ATP1A1: variants seen among roughly 807,000 people sequenced by gnomAD.
ATP1A1 encodes the protein sodium/potassium-transporting ATPase subunit alpha-1.
Under a neutral mutation model 114.8 loss-of-function variants are expected in ATP1A1, and 14 were observed. That is an observed-to-expected ratio of 0.12 (90% CI 0.08 to 0.19). The LOEUF (loss-of-function observed/expected upper bound fraction) is 0.19. Among genes scored for constraint, ATP1A1 ranks in the 10% least tolerant of loss-of-function variants. The pLI, the probability that ATP1A1 is intolerant of heterozygous loss-of-function variation, is 1.00. For synonymous variants in ATP1A1, 471 were observed against 466.3 expected (o/e 1.01, Z -0.13); for missense variants, 524 against 1,290.7 (o/e 0.41, Z 9.10).
Position 116,387,260 on chromosome 1 carries a change from G to A in ATP1A1, c.184-28G>A. On this transcript the variant is annotated intron_variant, in intron 3 of 22. Coordinates refer to ENST00000295598, the MANE Select transcript of ATP1A1 (RefSeq NM_000701.8). This position sits in a 1 kb window ranked among gnomAD's most constrained non-coding sequence, Gnocchi z 6.7. ...TGCCTTGTAAGTGCTGGTACAGTTT[G>A]CCTTATTTATATTCCACTGCTTCTC... 1 of 1,613,038 alleles carries A rather than the reference G, an allele frequency of 6.2e-7. No individual in the cohort carries two copies. The highest frequency in any genetic ancestry group is 8.5e-7 in the Non-Finnish European group (1 of 1,179,772).
rs1557785317 is a variant in ATP1A1 at position 116,389,345 on chromosome 1, GT to G, written c.755-87del. Reference sequence around the variant, plus strand: ...AAAAGTGCTTTTATCAACTCTTTTTGTTTTTTTAGTCATCCTATGTAATTGT... The same window carrying G: ...AAAAGTGCTTTTATCAACTCTTTTTGTTTTTTAGTCATCCTATGTAATTGT... On this transcript the variant is annotated intron_variant, in intron 7 of 22. Transcript: ENST00000295598. This position sits in a 1 kb window ranked among gnomAD's most constrained non-coding sequence, Gnocchi z 6.9. 4 of 1,504,990 alleles carry G rather than the reference GT, an allele frequency of 2.7e-6. No homozygotes were observed. Among genetic ancestry groups the G allele is most frequent in the Admixed American group, 4.0e-5 (2 of 49,672 alleles). 93.2% of individuals were successfully genotyped at this position (1,504,990 alleles called of 1,614,324 possible). A position where few individuals can be genotyped will look rare whatever the true frequency, so the allele number is the denominator to read the frequency against.
chr1:116,377,197 T>C (rs1347771526), intron 1 of ATP1A1, among the ~76,000 whole-genome samples: 1 of 152,250 alleles, frequency 6.6e-6, no homozygotes, highest in Admixed American at 6.5e-5. Context: ...CAGTTTCTCA[T>C]CTGGCTTTTG....
chr1:116,380,327 T>G (rs1651661263), intron 1 of ATP1A1, among the ~76,000 whole-genome samples: 1 of 152,214 alleles, frequency 6.6e-6, no homozygotes, highest in Admixed American at 6.5e-5. Context: ...TCAGCAGGAA[T>G]TTCAGAAGTC....
In ATP1A1 at chr1:116,399,178, G is replaced by A. The variant is rs1043155276; in HGVS notation, c.2448+94G>A. The A allele has an allele frequency of 1.4e-5, 22 of 1,557,652 alleles. No individual in the cohort carries two copies. Among genetic ancestry groups the A allele is most frequent in the Middle Eastern group, 1.7e-4 (1 of 5,868 alleles). On this transcript the variant is annotated intron_variant, in intron 17 of 22. Coordinates refer to ENST00000295598, the MANE Select transcript of ATP1A1 (RefSeq NM_000701.8). The surrounding 1 kb of genome is among the most constrained non-coding windows in gnomAD (Gnocchi z 5.0). Reference sequence around the variant, plus strand: ...TGCTCCCAGCATCCATGAGGCTGGCGTTGGGAAAAGAAATTCTCAGGACCA... The same window carrying A: ...TGCTCCCAGCATCCATGAGGCTGGCATTGGGAAAAGAAATTCTCAGGACCA...
In ATP1A1 at chr1:116,388,613, G is replaced by T. The variant is rs768486275; in HGVS notation, c.502-25G>T. 7.4e-6 allele frequency: 12 copies of T among 1,611,616 alleles called. No homozygotes were observed. The highest frequency in any genetic ancestry group is 1.1e-5 in the South Asian group (1 of 90,730). On this transcript the variant is annotated intron_variant, in intron 5 of 22. Coordinates refer to ENST00000295598, the MANE Select transcript of ATP1A1 (RefSeq NM_000701.8). The surrounding 1 kb of genome is among the most constrained non-coding windows in gnomAD (Gnocchi z 5.6). ...ACCTTCTCTTTGTTGGTATACTAACGGTGTAAATTGTTTCTTTTCCAAAGC... is the reference window on the plus strand; with the variant it reads ...ACCTTCTCTTTGTTGGTATACTAACTGTGTAAATTGTTTCTTTTCCAAAGC...
intron 1 of ATP1A1, among the ~76,000 whole-genome samples, chr1:116,378,394 A>T (rs1160064340): frequency 4.6e-5 from 7 of 152,306 alleles, no homozygotes; most frequent in Admixed American, 4.6e-4. Flanking sequence ...TTTAGTAATG[A>T]CTATTGGCTG....
In ATP1A1 at chr1:116,388,413, G is replaced by T. The variant is rs983732937; in HGVS notation, c.501+169G>T. ...CTATTTTCCTTCTATCCAAAAAGTGGTAGCCTTTCTTTTGAATGTAAACTC... is the reference window on the plus strand; with the variant it reads ...CTATTTTCCTTCTATCCAAAAAGTGTTAGCCTTTCTTTTGAATGTAAACTC... On this transcript the variant is annotated intron_variant, in intron 5 of 22. Transcript: ENST00000295598. The surrounding 1 kb of genome is among the most constrained non-coding windows in gnomAD (Gnocchi z 5.6). 3 of 957,480 alleles carry T rather than the reference G, an allele frequency of 3.1e-6. No individual in the cohort carries two copies. The African/African-American group carries it at 5.0e-5, about 16-fold the overall frequency. 59.3% of individuals were successfully genotyped at this position (957,480 alleles called of 1,614,324 possible). A position where few individuals can be genotyped will look rare whatever the true frequency, so the allele number is the denominator to read the frequency against.
rs1373773430 is a variant in ATP1A1, at chr1:116,398,393, G to T, written c.2125-228G>T. ...CCACCCACCAGAGTCATTACTTTGA[G>T]TAGCTCTTGTTAATGCTGGGGGCTA... On this transcript the variant is annotated intron_variant, in intron 15 of 22. Transcript: ENST00000295598. The surrounding 1 kb of genome is among the most constrained non-coding windows in gnomAD (Gnocchi z 6.1). Among the ~76,000 whole-genome samples the T allele has an allele frequency of 6.6e-6, 1 of 152,182 alleles. No individual in the cohort carries two copies. Among genetic ancestry groups the T allele is most frequent in the African/African-American group, 2.4e-5 (1 of 41,446 alleles).
rs1214173204 is a variant in ATP1A1 at position 116,395,210 on chromosome 1, G to T, written c.1761G>T (p.Gly587=). 13 of 1,614,092 alleles carry T rather than the reference G, an allele frequency of 8.1e-6. No homozygotes were observed. The highest frequency in any genetic ancestry group is 1.1e-5 in the Non-Finnish European group (13 of 1,180,014). Residue 587 remains glycine (G), a synonymous_variant, in exon 13 of 23, where the codon GGG becomes GGT. Transcript: ENST00000295598. This position sits in a 1 kb window ranked among gnomAD's most constrained non-coding sequence, Gnocchi z 6.4. ...NFPIDNLCFV[G]LISMIDPPRA... ...CTATCGATAATCTGTGCTTTGTTGG[G>T]CTCATCTCCATGATTGACCCTCCAC...
intron 1 of ATP1A1, chr1:116,373,881 C>T (rs963266096): frequency 6.2e-6 from 8 of 1,293,860 alleles, no homozygotes; most frequent in Non-Finnish European, 3.9e-6. Context: ...GCGGGGGCGG[C>T]CCCGGGACTG....
rs185397721 is a variant in ATP1A1, at chr1:116,391,043, T to C, written c.1332+152T>C. On this transcript the variant is annotated intron_variant, in intron 10 of 22. Transcript: ENST00000295598. ...TGTGCAGTACTTTGCTGTGTGTAACTTACATTGTGTTGCCTGTAGATCCTG... is the reference window on the plus strand; with the variant it reads ...TGTGCAGTACTTTGCTGTGTGTAACCTACATTGTGTTGCCTGTAGATCCTG... The C allele has an allele frequency of 2.0e-5, 12 of 609,718 alleles. No individual in the cohort carries two copies. In the East Asian group the frequency reaches 3.5e-4, roughly 18 times the overall value. 37.8% of individuals were successfully genotyped at this position (609,718 alleles called of 1,614,324 possible).
intron 1 of ATP1A1, chr1:116,373,806 G>T (rs1240269797): frequency 8.1e-6 from 10 of 1,233,254 alleles, no homozygotes; most frequent in Non-Finnish European, 1.0e-5. Context: ...GAGGCCGAGC[G>T]GGCCGGGGGC....
At chr1:116,383,942 C>A in intron 1 of ATP1A1, 72 bp from the exon 2 acceptor site, 1 of 1,299,918 alleles carries the variant, frequency 7.7e-7, no homozygotes, top group Admixed American at 1.9e-5. Context: ...ACCAAAATCC[C>A]CTGCTCCAGA....
chr1:116,400,763 A>G (rs1396662701), intron 18 of ATP1A1, 98 bp from the exon 19 acceptor site: 19 of 1,411,840 alleles, frequency 1.3e-5, no homozygotes, highest in Middle Eastern at 1.9e-4. Flanking sequence ...ACACTCCTCC[A>G]TATGTGCTCT....
rs141400264 is a variant in ATP1A1, at chr1:116,393,559, C to G, written c.1496C>G (p.Ser499Trp). 9.3e-6 allele frequency: 15 copies of G among 1,613,910 alleles called. No homozygotes were observed. Among genetic ancestry groups the G allele is most frequent in the Middle Eastern group, 1.6e-4 (1 of 6,062 alleles). The change falls in exon 12 of 23, where the codon TCG becomes TGG. Residue 499 changes from serine (S) to tryptophan (W), a missense_variant. Ser to Trp is a radical substitution (Grantham distance 177). Around this residue, in one of 8 missense-constraint regions of ATP1A1, gnomAD observed 143 missense variants for 259.3 expected, o/e 0.55. Transcript: ENST00000295598. The surrounding 1 kb of genome is among the most constrained non-coding windows in gnomAD (Gnocchi z 5.0). The part of the protein sequence containing the change: ...QLSIHKNPNT[S>W]EPQHLLVMKG... ...TCTATTCATAAGAACCCCAACACAT[C>G]GGAGCCCCAACACCTGTTGGTGATG... is the stretch of plus-strand genomic sequence containing the variant.
At chr1:116,374,473 G>C (rs1234716827) in intron 1 of ATP1A1, among the ~76,000 whole-genome samples, 1 of 152,154 alleles carries the variant, frequency 6.6e-6, no homozygotes, top group African/African-American at 2.4e-5. Flanking sequence ...CCAGCGTCGC[G>C]GAAGCACCAA....
At chr1:116,373,985 C>T (rs1399375693) in intron 1 of ATP1A1, 4 of 1,382,456 alleles carry the variant, frequency 2.9e-6, no homozygotes, top group East Asian at 5.6e-5. Context: ...TGAGGAAAGG[C>T]GCGCTCCTCC....
At chr1:116,376,508 G>A (rs184677560) in intron 1 of ATP1A1, among the ~76,000 whole-genome samples, 9 of 152,322 alleles carry the variant, frequency 5.9e-5, no homozygotes, top group Non-Finnish European at 1.3e-4. Context: ...CTAGAGCTGG[G>A]GGGTGGAGAG....
At position 116,387,482 on chromosome 1, in the gene ATP1A1, A is replaced by G; in HGVS notation, c.378A>G (p.Gln126=). 2 of 1,614,234 alleles carry G rather than the reference A, an allele frequency of 1.2e-6. No homozygotes were observed. Among genetic ancestry groups the G allele is most frequent in the African/African-American group, 1.3e-5 (1 of 75,074 alleles). ...AAGCTGCTACAGAAGAGGAACCTCA[A>G]AACGATAATGTGAGTTCTGTAATTC... The part of the protein sequence containing the change: ...SIQAATEEEP[Q]NDNLYLGVVL... Residue 126 remains glutamine (Q), a synonymous_variant, in exon 4 of 23, where the codon CAA becomes CAG. Coordinates refer to ENST00000295598, the MANE Select transcript of ATP1A1 (RefSeq NM_000701.8). The surrounding 1 kb of genome is among the most constrained non-coding windows in gnomAD (Gnocchi z 6.7).
Sources: allele counts gnomAD v4.1 joint callset (sites outside exome capture counted in the v4.1 genomes callset), GRCh38; gene constraint gnomAD v4.1.1; regional missense constraint gnomAD v4.1.1; non-coding constraint Gnocchi (gnomAD v3.1); transcripts MANE v1.5; gene names NCBI Gene and HGNC (gene_info 2026-07-23, HGNC 2026-07-21).